HDAC9: variants seen among roughly 807,000 people sequenced by gnomAD.
The protein encoded by HDAC9 is MEF-2 interacting transcription repressor (MITR) protein.
HDAC9 carries 41 observed loss-of-function variants against 139.4 expected under a neutral mutation model. The observed-to-expected ratio is 0.29, with a 90% CI of 0.23 to 0.38. HDAC9 has a LOEUF of 0.38. Ranked by LOEUF, HDAC9 falls within the 10% of genes least tolerant of loss-of-function variation. The probability of loss-of-function intolerance (pLI) is 1.00; values close to 1 mark genes in which losing one functional copy is unlikely to be tolerated. For missense variants in HDAC9, 1,147 were observed against 1,297.0 expected (o/e 0.88, Z 1.78); for synonymous variants, 517 against 476.2 (o/e 1.09, Z -1.12).
chr7:18,344,967 G>C (rs981629109), intron 1 of HDAC9, among the ~76,000 whole-genome samples: 1 of 151,968 alleles, frequency 6.6e-6, no homozygotes, highest in Non-Finnish European at 1.5e-5. Context: ...ATTCCACAGA[G>C]AGCTTGCATA....
chr7:18,981,043 C>A (rs561584375), intron 25 of HDAC9, among the ~76,000 whole-genome samples: 1 of 151,952 alleles, frequency 6.6e-6, no homozygotes, highest in Non-Finnish European at 1.5e-5. Flanking sequence ...GTCAGATGGT[C>A]TCAATCTCCT....
intron 14 of HDAC9, among the ~76,000 whole-genome samples, chr7:18,751,774 A>C (rs1439093186): frequency 1.3e-5 from 2 of 152,110 alleles, no homozygotes; most frequent in African/African-American, 4.8e-5. Flanking sequence ...CTTTTGTTCA[A>C]TATGAGATAA....
At chr7:18,611,897 T>C (rs1003986327) in intron 6 of HDAC9, among the ~76,000 whole-genome samples, 6 of 152,172 alleles carry the variant, frequency 3.9e-5, no homozygotes, top group Non-Finnish European at 8.8e-5. Flanking sequence ...CACAAATTTT[T>C]GTTTTCTTTC....
At position 18,648,551 on chromosome 7, in the gene HDAC9, T is replaced by C. The variant is rs1172858216; in HGVS notation, c.1335T>C (p.Arg445=). ...TTAGAGGTACCCACAAATTGCCCCG[T>C]CACAGACCCCTGAACCGAACCCAGT... ...PGIRGTHKLP[R]HRPLNRTQSA... The change falls in exon 11 of 26, where the codon CGT becomes CGC. Residue 445 remains arginine, a synonymous_variant. Transcript: ENST00000686413. 6.2e-7 allele frequency: 1 copy of C among 1,613,626 alleles called. No individual in the cohort carries two copies. The highest frequency in any genetic ancestry group is 8.5e-7 in the Non-Finnish European group (1 of 1,179,746).
rs902438347 is a variant in HDAC9, at chr7:18,336,295, G to A, written c.-42+45780G>A. On this transcript the variant is annotated intron_variant, in intron 1 of 3. Transcript: ENST00000413509. ...CATTTTAAATCCTTCATGAGATGTT[G>A]CCCAGATCTGGTTATCCATGTGCTA... is the stretch of plus-strand genomic sequence containing the variant. Among the ~76,000 whole-genome samples the A allele has an allele frequency of 3.3e-5, 5 of 151,490 alleles. No individual in the cohort carries two copies. The East Asian group carries it at 7.8e-4, about 24-fold the overall frequency.
At chr7:18,719,434 G>T (rs1266392282) in intron 12 of HDAC9, among the ~76,000 whole-genome samples, 6 of 141,240 alleles carry the variant, frequency 4.2e-5, no homozygotes, top group African/African-American at 1.1e-4. Flanking sequence ...CCATTTCCTG[G>T]GTTCAAACGA....
chr7:18,237,955 T>C (rs1000382651), intron 2 of HDAC9, among the ~76,000 whole-genome samples: 1 of 152,188 alleles, frequency 6.6e-6, no homozygotes, highest in African/African-American at 2.4e-5. Flanking sequence ...TGGCCATAAA[T>C]CTTTTGTTTG....
intron 24 of HDAC9, among the ~76,000 whole-genome samples, chr7:18,973,443 T>G (rs925602815): frequency 1.3e-5 from 2 of 152,214 alleles, no homozygotes; most frequent in Admixed American, 1.3e-4. Flanking sequence ...GTATATGGAA[T>G]TTTCAACTTG....
intron 23 of HDAC9, among the ~76,000 whole-genome samples, chr7:18,944,453 A>G (rs2528409): frequency 0.05 from 7,557 of 152,258 alleles, 624 homozygotes; most frequent in African/African-American, 0.17. Flanking sequence ...ACAGTAATAC[A>G]GTGGAAAGAA....
chr7:18,634,516 T>G (rs1584406076), intron 7 of HDAC9, 111 bp from the exon 8 acceptor site: 1 of 655,626 alleles, frequency 1.5e-6, no homozygotes, highest in African/African-American at 1.9e-5. Context: ...GAAATAGTGC[T>G]TGCATTTACA....
At chr7:18,316,633 CAAA>C (rs10641889) in intron 1 of HDAC9, among the ~76,000 whole-genome samples, 1 of 100,318 alleles carries the variant, frequency 1.0e-5, no homozygotes, top group African/African-American at 4.2e-5. Context: ...CAGATCTCTC[CAAA>C]AAAAAAAAAA....
intron 16 of HDAC9, 44 bp downstream of exon 16, chr7:18,767,199 C>CAAA (rs56084250): frequency 5.4e-6 from 6 of 1,117,664 alleles, no homozygotes; most frequent in African/African-American, 1.7e-5. Flanking sequence ...CATAAAATTA[C>CAAA]AAAAAAAAAT....
rs184661967 is a variant in HDAC9 at position 18,788,680 on chromosome 7, A to G, written c.2215-4665A>G. Among the ~76,000 whole-genome samples, 624 of 151,180 alleles carry G rather than the reference A, an allele frequency of 4.1e-3. 3 individuals carry two copies. The highest frequency in any genetic ancestry group is 6.8e-3 in the Non-Finnish European group (462 of 67,780). ...TGAGGCGGAAGAATGGCTTGAACCC[A>G]GGAAGCAGAGGTTGCAGTGAGCCAA... On this transcript the variant is annotated intron_variant, in intron 16 of 25. Coordinates refer to ENST00000686413, the MANE Select transcript of HDAC9 (RefSeq NM_178425.4).
At chr7:18,777,771 C>G (rs1022877405) in intron 16 of HDAC9, among the ~76,000 whole-genome samples, 5 of 151,882 alleles carry the variant, frequency 3.3e-5, no homozygotes, top group Admixed American at 6.6e-5. Flanking sequence ...GATTATCCAT[C>G]AAGTAAAGGG....
intron 22 of HDAC9, among the ~76,000 whole-genome samples, chr7:18,920,409 T>C (rs1490821851): frequency 6.6e-6 from 1 of 152,098 alleles, no homozygotes; most frequent in East Asian, 1.9e-4. Context: ...ACAATGGGGT[T>C]TTCTAGATAT....
chr7:18,586,276 A>G (rs1563387012), intron 3 of HDAC9, among the ~76,000 whole-genome samples: 2 of 152,114 alleles, frequency 1.3e-5, no homozygotes, highest in South Asian at 2.1e-4. Flanking sequence ...AGAGATAAAT[A>G]TTACTTTAGC....
chr7:18,728,009 T>G (rs1785696226), intron 13 of HDAC9, among the ~76,000 whole-genome samples: 1 of 152,284 alleles, frequency 6.6e-6, no homozygotes, highest in South Asian at 2.1e-4. Flanking sequence ...GTGCATGAGT[T>G]TTTTGGAAAT....
intron 17 of HDAC9, among the ~76,000 whole-genome samples, chr7:18,802,129 T>C (rs1793351983): frequency 6.6e-6 from 1 of 151,878 alleles, no homozygotes; most frequent in African/African-American, 2.4e-5. Context: ...CTCATTATTT[T>C]ACAACCTGTA....
chr7:18,803,669 A>G (rs1158136962), intron 17 of HDAC9, among the ~76,000 whole-genome samples: 1 of 151,112 alleles, frequency 6.6e-6, no homozygotes, highest in Admixed American at 6.6e-5. Flanking sequence ...TTTCTTGTAG[A>G]TTTTCTATTT....
Sources: allele counts gnomAD v4.1 joint callset (sites outside exome capture counted in the v4.1 genomes callset), GRCh38; gene constraint gnomAD v4.1.1; transcripts MANE v1.5; gene names NCBI Gene and HGNC (gene_info 2026-07-23, HGNC 2026-07-21).